The following KCND2 variants were observed in gnomAD, a reference collection of about 807,000 sequenced individuals.
The protein encoded by KCND2 is potassium voltage-gated channel subfamily D member 2.
A neutral mutation model predicts 54.4 loss-of-function variants in KCND2; 16 were observed. The observed-to-expected ratio is 0.29, with a 90% CI of 0.20 to 0.45. The LOEUF (loss-of-function observed/expected upper bound fraction) is 0.45. KCND2 is among the 20% of genes least tolerant of loss of function. KCND2 has a pLI of 1.00. For missense variants in KCND2, 486 were observed against 824.2 expected (o/e 0.59, Z 5.02); for synonymous variants, 317 against 310.7 (o/e 1.02, Z -0.21).
intron 1 of KCND2, among the ~76,000 whole-genome samples, chr7:120,676,594 T>C (rs1792064398): frequency 6.6e-6 from 1 of 152,224 alleles, no homozygotes; most frequent in Non-Finnish European, 1.5e-5. Flanking sequence ...CAACTTCATA[T>C]TTCTATTGAT....
intron 1 of KCND2, among the ~76,000 whole-genome samples, chr7:120,618,425 T>C (rs1793055794): frequency 6.6e-6 from 1 of 152,206 alleles, no homozygotes; most frequent in Admixed American, 6.5e-5. Flanking sequence ...TAATGTCTCT[T>C]CAAAAAGAAT....
At chr7:120,684,027 G>A (rs1278186117) in intron 1 of KCND2, among the ~76,000 whole-genome samples, 1 of 151,986 alleles carries the variant, frequency 6.6e-6, no homozygotes, top group Non-Finnish European at 1.5e-5. Context: ...TGGGATAATA[G>A]GGACCATCTC....
At chr7:120,654,373 G>A (rs908223205) in intron 1 of KCND2, among the ~76,000 whole-genome samples, 1 of 152,114 alleles carries the variant, frequency 6.6e-6, no homozygotes, top group Non-Finnish European at 1.5e-5. Context: ...TATCTTGCTG[G>A]CTAGCATGTT....
At chr7:120,669,480 C>G (rs1791965885) in intron 1 of KCND2, among the ~76,000 whole-genome samples, 1 of 151,928 alleles carries the variant, frequency 6.6e-6, no homozygotes, top group African/African-American at 2.4e-5. Context: ...ACTTGGTGCC[C>G]TGGATATATA....
At chr7:120,667,307 C>T (rs1231439526) in intron 1 of KCND2, among the ~76,000 whole-genome samples, 2 of 151,986 alleles carry the variant, frequency 1.3e-5, no homozygotes, top group Non-Finnish European at 2.9e-5. Flanking sequence ...GTGTACCTCC[C>T]CAGAAAATTG....
intron 1 of KCND2, among the ~76,000 whole-genome samples, chr7:120,606,112 T>A (rs1792878398): frequency 6.6e-6 from 1 of 152,186 alleles, no homozygotes. Context: ...CCACCATGAC[T>A]TTGAGGCCTC....
chr7:120,286,677 A>G (rs1425270025), intron 1 of KCND2, among the ~76,000 whole-genome samples: 1 of 152,022 alleles, frequency 6.6e-6, no homozygotes, highest in African/African-American at 2.4e-5. Flanking sequence ...AGAAATTGGA[A>G]TTTTGAGTCA....
At chr7:120,617,250 A>T (rs1314623282) in intron 1 of KCND2, among the ~76,000 whole-genome samples, 1 of 152,192 alleles carries the variant, frequency 6.6e-6, no homozygotes, top group Non-Finnish European at 1.5e-5. Context: ...GCTTTGTGTG[A>T]CAGCATGATG....
chr7:120,495,403 G>T (rs1802835108), intron 1 of KCND2, among the ~76,000 whole-genome samples: 1 of 151,356 alleles, frequency 6.6e-6, no homozygotes, highest in Non-Finnish European at 1.5e-5. Context: ...CTTTATCATT[G>T]TGAGATAAGA....
intron 1 of KCND2, among the ~76,000 whole-genome samples, chr7:120,318,238 G>A (rs545805890): frequency 6.6e-6 from 1 of 152,232 alleles, no homozygotes; most frequent in Non-Finnish European, 1.5e-5. Flanking sequence ...GTCAGAGTGG[G>A]TGTTGGGTTG....
At chr7:120,654,225 C>T (rs964279933) in intron 1 of KCND2, among the ~76,000 whole-genome samples, 1 of 152,044 alleles carries the variant, frequency 6.6e-6, no homozygotes, top group Admixed American at 6.6e-5. Context: ...ATATTTGATA[C>T]TGTCAATGAG....
chr7:120,696,666 A>G (rs1469762320), intron 1 of KCND2, among the ~76,000 whole-genome samples: 1 of 152,204 alleles, frequency 6.6e-6, no homozygotes, highest in Non-Finnish European at 1.5e-5. Context: ...AGAGTGCATT[A>G]GTTACTGTCA....
At chr7:120,566,646 C>G (rs1044137343) in intron 1 of KCND2, among the ~76,000 whole-genome samples, 9 of 152,070 alleles carry the variant, frequency 5.9e-5, no homozygotes, top group Admixed American at 1.3e-4. Flanking sequence ...TCTTGTGTCA[C>G]CTCTTTAGCA....
At chr7:120,633,951 T>C (rs969245027) in intron 1 of KCND2, among the ~76,000 whole-genome samples, 10 of 152,200 alleles carry the variant, frequency 6.6e-5, no homozygotes, top group African/African-American at 2.4e-4. Context: ...GGCAAATATT[T>C]TAAAGCTCTT....
chr7:120,438,928 A>G (rs114425904), intron 1 of KCND2, among the ~76,000 whole-genome samples: 222 of 152,252 alleles, frequency 1.5e-3, no homozygotes, highest in African/African-American at 5.0e-3. Context: ...TTAATTCACA[A>G]ATATTTATTA....
In KCND2 at chr7:120,532,459, C is replaced by A. The variant is rs547416215; in HGVS notation, c.1116-200444C>A. Among the ~76,000 whole-genome samples, 80 of 151,774 alleles carry A rather than the reference C, an allele frequency of 5.3e-4. 2 individuals are homozygous for A. Among genetic ancestry groups the A allele is most frequent in the African/African-American group, 1.8e-3 (75 of 41,482 alleles). On this transcript the variant is annotated intron_variant, in intron 1 of 5. Coordinates refer to ENST00000331113, the MANE Select transcript of KCND2 (RefSeq NM_012281.3). ...ATAACATGAAAGTTGTTATAATACC[C>A]TGGGTCTAAAATTTTGTATTTTGTA...
intron 1 of KCND2, among the ~76,000 whole-genome samples, chr7:120,390,326 A>G (rs1801054643): frequency 6.6e-6 from 1 of 151,982 alleles, no homozygotes. Flanking sequence ...GTTCATAGGG[A>G]TAAAATTTGC....
At chr7:120,332,056 G>A (rs1162016021) in intron 1 of KCND2, among the ~76,000 whole-genome samples, 3 of 151,914 alleles carry the variant, frequency 2.0e-5, no homozygotes, top group East Asian at 1.9e-4. Flanking sequence ...CTAGACTTTC[G>A]GTTGGCTTTA....
chr7:120,388,858 T>C (rs1383582263), intron 1 of KCND2, among the ~76,000 whole-genome samples: 3 of 147,424 alleles, frequency 2.0e-5, no homozygotes, highest in African/African-American at 5.0e-5. Context: ...TAATATGTTA[T>C]ATTCTTTACT....
Sources: allele counts gnomAD v4.1 joint callset (sites outside exome capture counted in the v4.1 genomes callset), GRCh38; gene constraint gnomAD v4.1.1; transcripts MANE v1.5; gene names NCBI Gene and HGNC (gene_info 2026-07-23, HGNC 2026-07-21).